Variants in PARD3 observed in about 807,000 individuals in gnomAD.
PARD3 encodes partitioning defective 3 homolog.
A neutral mutation model predicts 155.4 loss-of-function variants in PARD3; 75 were observed. That is an observed-to-expected ratio of 0.48 (90% CI 0.40 to 0.58). PARD3 has a LOEUF of 0.58. PARD3 is among the 20% of genes least tolerant of loss of function. The pLI, the probability that PARD3 is intolerant of heterozygous loss-of-function variation, is 0.00. For missense variants in PARD3, 1,642 were observed against 1,721.7 expected (o/e 0.95, Z 0.82); for synonymous variants, 576 against 610.5 (o/e 0.94, Z 0.83).
intron 3 of PARD3, among the ~76,000 whole-genome samples, chr10:34,473,969 C>T (rs1017999033): frequency 8.5e-5 from 13 of 152,184 alleles, no homozygotes; most frequent in African/African-American, 3.1e-4. Context: ...CCAGCTTGCC[C>T]TTGAATTCTT....
At chr10:34,401,144 A>G (rs1399348362) in intron 6 of PARD3, among the ~76,000 whole-genome samples, 1 of 152,150 alleles carries the variant, frequency 6.6e-6, no homozygotes, top group Non-Finnish European at 1.5e-5. Flanking sequence ...AAAGTCAAAG[A>G]AAAAAATCCA....
intron 9 of PARD3, among the ~76,000 whole-genome samples, chr10:34,381,944 A>T (rs911576152): frequency 6.7e-6 from 1 of 148,256 alleles, no homozygotes; most frequent in African/African-American, 2.5e-5. Context: ...AAAAAAAAGA[A>T]AGAAAAAGAA....
chr10:34,524,978 T>TTCCCTCAGAAATC (rs1433356507), intron 2 of PARD3, among the ~76,000 whole-genome samples: 2 of 152,238 alleles, frequency 1.3e-5, no homozygotes, highest in African/African-American at 4.8e-5. Flanking sequence ...AATCAATTTG[T>TTCCCTCAGAAATC]AAGCTTTCTG....
At chr10:34,208,330 G>A (rs1488371794) in intron 22 of PARD3, among the ~76,000 whole-genome samples, 4 of 152,172 alleles carry the variant, frequency 2.6e-5, no homozygotes, top group African/African-American at 9.7e-5. Context: ...GTCTGCAGGT[G>A]GCCTGAATGG....
intron 1 of PARD3, among the ~76,000 whole-genome samples, chr10:34,775,185 T>G (rs1236897985): frequency 6.6e-6 from 1 of 152,168 alleles, no homozygotes. Flanking sequence ...ACAGCAGCAC[T>G]CTAAATTTAT....
chr10:34,223,731 T>C (rs1050640318), intron 22 of PARD3, among the ~76,000 whole-genome samples: 5 of 152,226 alleles, frequency 3.3e-5, no homozygotes, highest in Admixed American at 2.0e-4. Flanking sequence ...CAGCCATCTA[T>C]TAATAACTTC....
At chr10:34,159,282 C>CT (rs1179506442) in intron 22 of PARD3, among the ~76,000 whole-genome samples, 1 of 152,172 alleles carries the variant, frequency 6.6e-6, no homozygotes, top group African/African-American at 2.4e-5. Flanking sequence ...GCTTCTACTG[C>CT]TACTCATGGG....
intron 2 of PARD3, among the ~76,000 whole-genome samples, chr10:34,633,160 A>T (rs993302224): frequency 6.6e-6 from 1 of 152,176 alleles, no homozygotes; most frequent in Non-Finnish European, 1.5e-5. Flanking sequence ...AATATTCAAC[A>T]TTTTTTATGA....
At chr10:34,750,900 G>A (rs1046180232) in intron 1 of PARD3, among the ~76,000 whole-genome samples, 9 of 152,136 alleles carry the variant, frequency 5.9e-5, no homozygotes, top group African/African-American at 2.2e-4. Context: ...TGTTGGCCAG[G>A]CTGGTCTGGA....
intron 1 of PARD3, among the ~76,000 whole-genome samples, chr10:34,798,275 G>A (rs1260649121): frequency 6.6e-6 from 1 of 151,978 alleles, no homozygotes; most frequent in Non-Finnish European, 1.5e-5. Context: ...GCTGCAGTGA[G>A]CTATTGATGG....
Position 34,119,627 on chromosome 10 carries a change from G to A in PARD3, c.3654C>T (p.Tyr1218=), listed in dbSNP as rs1190332993. ...RESSQQAQRQ[Y]SSLPRQSRKN... ...CGTCCTCATACCGAGGCAGAGAGCT[G>A]TACTGGCGCTGGGCCTGCTGGGAGC... The change falls in exon 24 of 25, where the codon TAC becomes TAT. Residue 1218 remains tyrosine (Y), a synonymous_variant. Coordinates refer to ENST00000374788, the MANE Select transcript of PARD3 (RefSeq NM_001184785.2). 2 of 1,609,682 alleles carry A rather than the reference G, an allele frequency of 1.2e-6. No homozygotes were observed. Among genetic ancestry groups the A allele is most frequent in the Admixed American group, 3.3e-5 (2 of 59,810 alleles).
intron 2 of PARD3, among the ~76,000 whole-genome samples, chr10:34,526,430 T>C (rs1463849793): frequency 6.6e-6 from 1 of 152,236 alleles, no homozygotes; most frequent in East Asian, 1.9e-4. Flanking sequence ...CCCAGAAACA[T>C]AGCAGGACAG....
intron 1 of PARD3, among the ~76,000 whole-genome samples, chr10:34,758,817 G>A (rs1362348201): frequency 6.6e-6 from 1 of 152,186 alleles, no homozygotes; most frequent in Non-Finnish European, 1.5e-5. Flanking sequence ...TCCTTAAGTT[G>A]GTGACGGATG....
At chr10:34,533,417 T>G (rs2082995793) in intron 2 of PARD3, among the ~76,000 whole-genome samples, 1 of 152,160 alleles carries the variant, frequency 6.6e-6, no homozygotes, top group Non-Finnish European at 1.5e-5. Flanking sequence ...ATATATCTCC[T>G]GAATCCAAAA....
chr10:34,234,097 A>G (rs547990478), intron 22 of PARD3, among the ~76,000 whole-genome samples: 1 of 149,356 alleles, frequency 6.7e-6, no homozygotes, highest in East Asian at 1.9e-4. Flanking sequence ...CTACTGATAA[A>G]ACTACTTTGG....
At chr10:34,141,916 TG>T in intron 22 of PARD3, among the ~76,000 whole-genome samples, 1 of 152,316 alleles carries the variant, frequency 6.6e-6, no homozygotes, top group South Asian at 2.1e-4. Flanking sequence ...ATACCTCCAA[TG>T]GGGCATCTAC....
intron 2 of PARD3, among the ~76,000 whole-genome samples, chr10:34,694,172 A>C (rs923109663): frequency 1.3e-5 from 2 of 151,340 alleles, no homozygotes; most frequent in African/African-American, 4.8e-5. Context: ...AAAAGAAACA[A>C]AAAAAAGAAG....
chr10:34,138,074 C>A (rs895237749), intron 22 of PARD3, among the ~76,000 whole-genome samples: 5 of 152,148 alleles, frequency 3.3e-5, no homozygotes, highest in African/African-American at 9.7e-5. Context: ...CAAGTGGAAC[C>A]AAACAAATGG....
chr10:34,248,981 C>G (rs1368999648), intron 22 of PARD3, among the ~76,000 whole-genome samples: 2 of 152,100 alleles, frequency 1.3e-5, no homozygotes, highest in African/African-American at 4.8e-5. Context: ...CATAAGAGTT[C>G]TTTTAATTCT....
Sources: gnomAD v4.1 joint callset for allele counts (sites outside exome capture counted in the v4.1 genomes callset) on GRCh38, gnomAD v4.1.1 for gene constraint, MANE v1.5 for transcripts, NCBI Gene and HGNC (gene_info 2026-07-23, HGNC 2026-07-21) for gene names.